The following FAM199X variants were observed in gnomAD, a reference collection of about 807,000 sequenced individuals.
FAM199X encodes family with sequence similarity 199, X-linked.
FAM199X carries 4 observed loss-of-function variants against 22.9 expected under a neutral mutation model. The observed-to-expected ratio is 0.17, with a 90% CI of 0.09 to 0.40. FAM199X has a LOEUF of 0.40. Among genes scored for constraint, FAM199X ranks in the 10% least tolerant of loss-of-function variants. The pLI is 1.00. For synonymous variants in FAM199X, 101 were observed against 112.3 expected, an observed-to-expected ratio of 0.90 and a Z score of 0.64; for missense variants, 183 against 306.8, an observed-to-expected ratio of 0.60 and a Z score of 3.01.
At chrX:104,179,766 A>AT (rs782395219) in intron 2 of FAM199X, among the ~76,000 whole-genome samples, 6 of 110,254 alleles carry the variant, frequency 5.4e-5, no homozygotes, top group Non-Finnish European at 1.1e-4. Context: ...GTTTTTTAGT[A>AT]TTTTGTTAAG....
chrX:104,178,184 CAG>C (rs1921541878), intron 2 of FAM199X, among the ~76,000 whole-genome samples: 1 of 109,391 alleles, frequency 9.1e-6, no homozygotes, highest in Non-Finnish European at 1.9e-5. Flanking sequence ...TTTTTTGAGA[CAG>C]AGTCCCGCTC....
In FAM199X at chrX:104,193,876, G is replaced by C. The variant is rs1921997816; in HGVS notation, c.*4098G>C. Reference sequence around the variant, plus strand: ...TATTTTAAGCTAGGCATCTTTGTTAGCATAGTATCCGGAACATAACTACTT... The same window carrying C: ...TATTTTAAGCTAGGCATCTTTGTTACCATAGTATCCGGAACATAACTACTT... On this transcript the variant is annotated 3_prime_UTR_variant, in exon 6 of 6. Coordinates refer to ENST00000493442, the MANE Select transcript of FAM199X (RefSeq NM_207318.4). 1 of 111,471 alleles carries C rather than the reference G, an allele frequency of 9.0e-6. No individual in the cohort carries two copies. Among genetic ancestry groups the C allele is most frequent in the Non-Finnish European group, 1.9e-5 (1 of 52,877 alleles). The allele number at this position is 111,471 out of a possible 1,213,427, so 9.2% of individuals were successfully genotyped here. A position where few individuals can be genotyped will look rare whatever the true frequency, so the allele number is the denominator to read the frequency against.
intron 4 of FAM199X, 90 bp from the exon 5 acceptor site, chrX:104,187,950 A>G: frequency 9.3e-7 from 1 of 1,069,580 alleles, no homozygotes. Context: ...ACAGTCTTTT[A>G]GATTAAGTAC....
chrX:104,167,264 C>G (rs1312997877), intron 1 of FAM199X, among the ~76,000 whole-genome samples: 2 of 105,920 alleles, frequency 1.9e-5, no homozygotes, highest in South Asian at 4.4e-4. Flanking sequence ...TCCCTCCCCC[C>G]ATCTGTACCC....
rs1432535281 is a variant in FAM199X, at chrX:104,181,958, G to A, written c.418-4108G>A. Among the ~76,000 whole-genome samples the A allele has an allele frequency of 6.5e-5, 7 of 108,403 alleles. No homozygotes were observed. In the South Asian group the frequency reaches 2.8e-3, roughly 44 times the overall value. The allele number at this position is 108,403 out of a possible 115,157, so 94.1% of individuals were successfully genotyped here. A position where few individuals can be genotyped will look rare whatever the true frequency, so the allele number is the denominator to read the frequency against. On this transcript the variant is annotated intron_variant, in intron 2 of 5. Coordinates refer to ENST00000493442, the MANE Select transcript of FAM199X (RefSeq NM_207318.4). ...ACCTTATCCATTCAGTTATCAAACA[G>A]CTTTGTAATTTTTTTTCTTTTTTCT... is the stretch of plus-strand genomic sequence containing the variant.
At chrX:104,176,835 G>C (rs944743045) in intron 2 of FAM199X, among the ~76,000 whole-genome samples, 1 of 110,751 alleles carries the variant, frequency 9.0e-6, no homozygotes, top group African/African-American at 3.3e-5. Flanking sequence ...TGGCTATTTC[G>C]GTTGGTTTCA....
chrX:104,159,870 T>C, the FAM199X span, among the ~76,000 whole-genome samples: 1 of 111,777 alleles, frequency 8.9e-6, no homozygotes, highest in Non-Finnish European at 1.9e-5. Context: ...ATGATGAGAG[T>C]ACAAGGGTAC....
chrX:104,189,894 T>A lies in FAM199X; in HGVS notation c.*116T>A. ...CTGTGCTGATGTACCATTAATAATT[T>A]AAGCCAGTGGTTCTTGGCAGGTGAT... On this transcript the variant is annotated 3_prime_UTR_variant, in exon 6 of 6. Transcript: ENST00000493442. The A allele has an allele frequency of 4.1e-6, 3 of 735,407 alleles. No homozygotes were observed. The highest frequency in any genetic ancestry group is 5.9e-6 in the Non-Finnish European group (3 of 508,188). The allele number at this position is 735,407 out of a possible 1,213,427, so 60.6% of individuals were successfully genotyped here. A position where few individuals can be genotyped will look rare whatever the true frequency, so the allele number is the denominator to read the frequency against.
intron 2 of FAM199X, among the ~76,000 whole-genome samples, chrX:104,176,519 A>G (rs1921494898): frequency 8.9e-6 from 1 of 112,552 alleles, no homozygotes; most frequent in African/African-American, 3.2e-5. Flanking sequence ...ATAAACTCGA[A>G]TGTCTGCTAC....
Position 104,166,798 on chromosome X carries a change from G to A in FAM199X, c.13G>A (p.Ala5Thr), listed in dbSNP as rs782034759. MSDE[A>T]SAITSYEKFL... ...GCCATCTCCAACCATGTCCGACGAG[G>A]CCTCGGCCATCACTTCCTACGAGAA... The change falls in exon 1 of 6, where the codon GCC becomes ACC. Residue 5 changes from alanine (A) to threonine (T), a missense_variant. Coordinates refer to ENST00000493442, the MANE Select transcript of FAM199X (RefSeq NM_207318.4). 1 of 1,204,402 alleles carries A rather than the reference G, an allele frequency of 8.3e-7. No individual in the cohort carries two copies. The highest frequency in any genetic ancestry group is 1.8e-5 in the South Asian group (1 of 56,152).
chrX:104,159,706 C>G, the FAM199X span, among the ~76,000 whole-genome samples: 1 of 111,890 alleles, frequency 8.9e-6, no homozygotes, highest in Non-Finnish European at 1.9e-5. Flanking sequence ...ATAGATCCAT[C>G]CCCCAGCTGC....
intron 2 of FAM199X, among the ~76,000 whole-genome samples, chrX:104,180,827 ATC>A (rs1371935884): frequency 8.9e-6 from 1 of 112,411 alleles, no homozygotes. Flanking sequence ...TAAAAACTAC[ATC>A]TGTTTAAATC....
chrX:104,184,378 T>C (rs1182672000), intron 2 of FAM199X, among the ~76,000 whole-genome samples: 1 of 112,219 alleles, frequency 8.9e-6, no homozygotes, highest in African/African-American at 3.2e-5. Context: ...AGGTACTGTT[T>C]TATACCTTGT....
chrX:104,161,240 G>A, the FAM199X span, among the ~76,000 whole-genome samples: 44 of 111,814 alleles, frequency 3.9e-4, no homozygotes, highest in Middle Eastern at 0.019. Context: ...AGAAATGTTG[G>A]TTGTTTCTGA....
chrX:104,189,274 A>G (rs1921880046), intron 5 of FAM199X, among the ~76,000 whole-genome samples: 2 of 111,682 alleles, frequency 1.8e-5, no homozygotes, highest in Admixed American at 1.9e-4. Flanking sequence ...ATTGTCGCCT[A>G]GTATTAATTA....
intron 2 of FAM199X, among the ~76,000 whole-genome samples, chrX:104,176,367 T>C (rs782596610): frequency 1.8e-5 from 2 of 112,413 alleles, no homozygotes; most frequent in South Asian, 3.6e-4. Context: ...TGTGGTAAAT[T>C]GTTTGAAAAT....
intron 2 of FAM199X, among the ~76,000 whole-genome samples, chrX:104,184,519 A>G (rs1921745709): frequency 8.9e-6 from 1 of 111,993 alleles, no homozygotes; most frequent in Non-Finnish European, 1.9e-5. Flanking sequence ...GGTAATGGAT[A>G]TATTTATAAC....
upstream of FAM199X, among the ~76,000 whole-genome samples, chrX:104,163,033 C>T (rs1372430337): frequency 9.2e-6 from 1 of 109,221 alleles, no homozygotes; most frequent in African/African-American, 3.4e-5. Flanking sequence ...TGCCAAAATA[C>T]GTAAGAAATT....
chrX:104,158,059 C>T, the FAM199X span, among the ~76,000 whole-genome samples: 3 of 112,194 alleles, frequency 2.7e-5, no homozygotes, highest in Admixed American at 2.8e-4. Context: ...AATAACTTGC[C>T]CACGGTCACA....
Sources: allele counts gnomAD v4.1 joint callset (sites outside exome capture counted in the v4.1 genomes callset), GRCh38; gene constraint gnomAD v4.1.1; transcripts MANE v1.5; gene names NCBI Gene and HGNC (gene_info 2026-07-23, HGNC 2026-07-21).